The following LSAMP variants were observed in gnomAD, a reference collection of about 807,000 sequenced individuals.
LSAMP encodes the protein limbic system associated membrane protein, also known as limbic system-associated membrane protein.
LSAMP carries 7 observed loss-of-function variants against 38.6 expected under a neutral mutation model. The observed-to-expected ratio is 0.18, with a 90% confidence interval of 0.10 to 0.34. The LOEUF (loss-of-function observed/expected upper bound fraction) is 0.34, where lower values mean the gene tolerates loss of function less well. Ranked by LOEUF, LSAMP falls within the 10% of genes least tolerant of loss-of-function variation. The probability of loss-of-function intolerance (pLI) is 1.00; values close to 1 mark genes in which losing one functional copy is unlikely to be tolerated. For missense variants in LSAMP, 313 were observed against 420.0 expected, an observed-to-expected ratio of 0.75 and a Z score of 2.23; for synonymous variants, 154 against 166.8, an observed-to-expected ratio of 0.92 and a Z score of 0.59.
In LSAMP at chr3:115,852,564, C is replaced by T. The variant is rs756824612; in HGVS notation, c.568G>A (p.Glu190Lys). The T allele has an allele frequency of 6.2e-6, 10 of 1,613,802 alleles. No homozygotes were observed. The South Asian group carries it at 1.1e-4, about 18-fold the overall frequency. ...TTGCACTCATATTTGCCTGACTGCT[C>T]CCTGGTGATGCCAAGGATCTCCAGA... ...EYLEILGITREQSGKYECKAA... is the reference protein window; with the variant it reads ...EYLEILGITRKQSGKYECKAA... The change falls in exon 4 of 7, where the codon GAG becomes AAG. Residue 190 changes from glutamate (E) to lysine (K), a missense_variant. Transcript: ENST00000490035.
intron 3 of LSAMP, among the ~76,000 whole-genome samples, chr3:116,011,529 A>G (rs1171974777): frequency 6.6e-6 from 1 of 151,664 alleles, no homozygotes; most frequent in African/African-American, 2.4e-5. Context: ...AAGTAGTTTG[A>G]ACTTTATTCC....
intron 1 of LSAMP, among the ~76,000 whole-genome samples, chr3:116,111,613 C>G (rs1258396907): frequency 6.6e-6 from 1 of 151,638 alleles, no homozygotes; most frequent in Non-Finnish European, 1.5e-5. Flanking sequence ...TTTCCTTTTC[C>G]TTTCTTCTCC....
At position 115,838,964 on chromosome 3, in the gene LSAMP, G is replaced by A. The variant is rs539715244; in HGVS notation, c.919+2881C>T. On this transcript the variant is annotated intron_variant, in intron 6 of 6. Coordinates refer to ENST00000490035, the MANE Select transcript of LSAMP (RefSeq NM_002338.5). ...CCTGCTGCTGCCGCTGGCTGGCAGAGGCTCACGAGCTGCCTGTTCTTCTCT... is the reference window on the plus strand; with the variant it reads ...CCTGCTGCTGCCGCTGGCTGGCAGAAGCTCACGAGCTGCCTGTTCTTCTCT... Among the ~76,000 whole-genome samples, 3 of 152,260 alleles carry A rather than the reference G, an allele frequency of 2.0e-5. No individual in the cohort carries two copies. In the South Asian group the frequency reaches 6.2e-4, roughly 32 times the overall value.
intron 3 of LSAMP, among the ~76,000 whole-genome samples, chr3:115,912,535 C>T (rs1937158034): frequency 6.6e-6 from 1 of 152,184 alleles, no homozygotes; most frequent in Admixed American, 6.5e-5. Context: ...AGCTCAGCTC[C>T]ATCCTTGGCC....
chr3:116,404,682 A>G (rs539394771), intron 1 of LSAMP, among the ~76,000 whole-genome samples: 2 of 152,302 alleles, frequency 1.3e-5, no homozygotes, highest in Non-Finnish European at 2.9e-5. Flanking sequence ...TTAATTTAAT[A>G]AAACAGATGG....
intron 2 of LSAMP, among the ~76,000 whole-genome samples, chr3:116,076,320 C>T (rs185478313): frequency 2.1e-4 from 32 of 152,072 alleles, no homozygotes; most frequent in South Asian, 8.3e-4. Flanking sequence ...TGCAGTGGCG[C>T]GGTCTTGGCT....
intron 1 of LSAMP, among the ~76,000 whole-genome samples, chr3:116,176,346 T>C (rs1164716143): frequency 6.6e-6 from 1 of 152,112 alleles, no homozygotes; most frequent in Non-Finnish European, 1.5e-5. Context: ...AGTACAGTAC[T>C]AGTACAGAAG....
intron 3 of LSAMP, among the ~76,000 whole-genome samples, chr3:115,868,645 C>T (rs1935928454): frequency 6.6e-6 from 1 of 151,962 alleles, no homozygotes; most frequent in Non-Finnish European, 1.5e-5. Context: ...ATTTTAAATA[C>T]ACATATTTAA....
intron 3 of LSAMP, among the ~76,000 whole-genome samples, chr3:115,936,006 TC>T (rs1937687143): frequency 6.6e-6 from 1 of 152,160 alleles, no homozygotes; most frequent in Non-Finnish European, 1.5e-5. Context: ...TGAACTTGGG[TC>T]TCAATTCAAT....
intron 1 of LSAMP, among the ~76,000 whole-genome samples, chr3:116,399,077 G>A (rs941091788): frequency 2.0e-5 from 3 of 152,206 alleles, no homozygotes; most frequent in Non-Finnish European, 2.9e-5. Flanking sequence ...AAATGGACTG[G>A]AAAGCAAGAG....
At chr3:116,209,826 A>C (rs939223341) in intron 1 of LSAMP, among the ~76,000 whole-genome samples, 1 of 152,094 alleles carries the variant, frequency 6.6e-6, no homozygotes, top group Non-Finnish European at 1.5e-5. Flanking sequence ...ATCTCCGCTC[A>C]CTGCAACCTC....
intron 6 of LSAMP, among the ~76,000 whole-genome samples, chr3:115,827,739 G>A (rs776852435): frequency 2.0e-5 from 3 of 152,080 alleles, no homozygotes; most frequent in Non-Finnish European, 2.9e-5. Flanking sequence ...GACATTCTCC[G>A]TGGAGTCCTA....
At chr3:116,152,832 A>C (rs377281024) in intron 1 of LSAMP, among the ~76,000 whole-genome samples, 3 of 152,204 alleles carry the variant, frequency 2.0e-5, no homozygotes. Flanking sequence ...AACTGATCTA[A>C]AGTTATAAAC....
At chr3:116,414,684 T>C (rs141281059) in intron 1 of LSAMP, among the ~76,000 whole-genome samples, 2 of 152,286 alleles carry the variant, frequency 1.3e-5, no homozygotes, top group African/African-American at 2.4e-5. Context: ...ACTGTGTTTG[T>C]TGAACACTTT....
intron 1 of LSAMP, among the ~76,000 whole-genome samples, chr3:116,329,879 G>C (rs1179012950): frequency 6.6e-6 from 1 of 151,584 alleles, no homozygotes; most frequent in Non-Finnish European, 1.5e-5. Flanking sequence ...TAATATGAAA[G>C]GGTTTAAAAA....
chr3:115,989,022 C>T (rs1266337981), intron 3 of LSAMP, among the ~76,000 whole-genome samples: 1 of 152,018 alleles, frequency 6.6e-6, no homozygotes, highest in Non-Finnish European at 1.5e-5. Context: ...TGATATCAAA[C>T]ACTGACAATT....
chr3:115,892,911 C>T (rs926945382), intron 3 of LSAMP, among the ~76,000 whole-genome samples: 1 of 151,340 alleles, frequency 6.6e-6, no homozygotes, highest in Non-Finnish European at 1.5e-5. Flanking sequence ...GGGCAGAAAT[C>T]TGTCACAGAA....
intron 1 of LSAMP, among the ~76,000 whole-genome samples, chr3:116,225,720 G>C (rs2046335101): frequency 6.6e-6 from 1 of 151,266 alleles, no homozygotes; most frequent in African/African-American, 2.4e-5. Context: ...GTTAAGCCTA[G>C]GAATTGAATA....
At chr3:115,934,448 A>G (rs1937634523) in intron 3 of LSAMP, among the ~76,000 whole-genome samples, 1 of 152,154 alleles carries the variant, frequency 6.6e-6, no homozygotes, top group Non-Finnish European at 1.5e-5. Context: ...AAGTGCTAGA[A>G]TTACAGGTGT....
Sources: gnomAD v4.1 joint callset for allele counts (sites outside exome capture counted in the v4.1 genomes callset) on GRCh38, gnomAD v4.1.1 for gene constraint, MANE v1.5 for transcripts, NCBI Gene and HGNC (gene_info 2026-07-23, HGNC 2026-07-21) for gene names.